PRKG1: variants seen among roughly 807,000 people sequenced by gnomAD.
PRKG1 encodes the protein cGMP-dependent protein kinase 1.
PRKG1 carries 35 observed loss-of-function variants against 88.1 expected under a neutral mutation model. The observed-to-expected ratio is 0.40, with a 90% CI of 0.30 to 0.53. PRKG1 has a LOEUF of 0.53. PRKG1 is among the 20% of genes least tolerant of loss of function. PRKG1 has a pLI of 0.59. For synonymous variants in PRKG1, 303 were observed against 292.5 expected (o/e 1.04, Z -0.37); for missense variants, 540 against 839.8 (o/e 0.64, Z 4.41).
At chr10:51,168,954 T>C (rs1249188204) in intron 2 of PRKG1, among the ~76,000 whole-genome samples, 2 of 152,312 alleles carry the variant, frequency 1.3e-5, no homozygotes, top group African/African-American at 4.8e-5. Context: ...GTACACTTTC[T>C]GATGTTCAAG....
intron 1 of PRKG1, among the ~76,000 whole-genome samples, chr10:51,081,787 T>C (rs1259281367): frequency 6.6e-6 from 1 of 152,200 alleles, no homozygotes; most frequent in Non-Finnish European, 1.5e-5. Context: ...AGGTTCTTTC[T>C]GTCTTATTGC....
intron 1 of PRKG1, among the ~76,000 whole-genome samples, chr10:50,998,401 T>G (rs1197045644): frequency 1.3e-5 from 2 of 152,246 alleles, no homozygotes; most frequent in Non-Finnish European, 2.9e-5. Flanking sequence ...ATTATATAAT[T>G]TAAATTTTCT....
At chr10:51,480,942 A>G (rs1840337943) in intron 3 of PRKG1, among the ~76,000 whole-genome samples, 1 of 152,074 alleles carries the variant, frequency 6.6e-6, no homozygotes, top group Non-Finnish European at 1.5e-5. Context: ...TGGTGGTATG[A>G]GTCTAGGAAA....
intron 2 of PRKG1, among the ~76,000 whole-genome samples, chr10:51,204,429 T>C (rs1314025476): frequency 1.3e-5 from 2 of 151,760 alleles, no homozygotes; most frequent in Admixed American, 6.6e-5. Flanking sequence ...CCATTTTTTT[T>C]CCCATCCTTC....
At chr10:51,599,592 G>A (rs1236774003) in intron 3 of PRKG1, among the ~76,000 whole-genome samples, 3 of 152,086 alleles carry the variant, frequency 2.0e-5, no homozygotes, top group Admixed American at 1.3e-4. Context: ...GCATCTGTGT[G>A]TTTTTTAGAA....
chr10:51,657,856 T>C (rs1270100908), intron 3 of PRKG1, among the ~76,000 whole-genome samples: 1 of 152,182 alleles, frequency 6.6e-6, no homozygotes, highest in African/African-American at 2.4e-5. Flanking sequence ...CAGAATTATA[T>C]CTTCCCTCTC....
intron 2 of PRKG1, among the ~76,000 whole-genome samples, chr10:51,318,404 T>C (rs538758625): frequency 6.6e-6 from 1 of 152,328 alleles, no homozygotes; most frequent in African/African-American, 2.4e-5. Context: ...TTCAGCATGG[T>C]GTCAAATTGT....
At chr10:51,454,799 C>T (rs1362330739) in intron 2 of PRKG1, among the ~76,000 whole-genome samples, 1 of 152,144 alleles carries the variant, frequency 6.6e-6, no homozygotes, top group Non-Finnish European at 1.5e-5. Flanking sequence ...CACTGGGTCC[C>T]TCACATAACA....
intron 3 of PRKG1, chr10:51,699,235 C>T (rs745738676): frequency 6.2e-7 from 1 of 1,614,050 alleles, no homozygotes; most frequent in Non-Finnish European, 8.5e-7. Context: ...GCGCTGCAGG[C>T]CCAAGGCTCT....
At chr10:52,104,438 A>T (rs1461218555) in intron 7 of PRKG1, among the ~76,000 whole-genome samples, 3 of 152,110 alleles carry the variant, frequency 2.0e-5, no homozygotes, top group Admixed American at 2.0e-4. Flanking sequence ...TTTCAGTGTT[A>T]CTTAATCCTT....
In PRKG1 at chr10:51,907,488, A is replaced by G; in HGVS notation, c.699-19A>G. 6.2e-7 allele frequency: 1 copy of G among 1,604,040 alleles called. No individual in the cohort carries two copies. The highest frequency in any genetic ancestry group is 2.2e-5 in the East Asian group (1 of 44,740). ...AGTTGTGGTTCATGTGTTCAGCACT[A>G]TTCTGTTTTGTTTTTCAGCGTTCCA... On this transcript the variant is annotated intron_variant, in intron 4 of 17. Transcript: ENST00000373980.
At chr10:51,879,303 C>A (rs1937725) in intron 4 of PRKG1, among the ~76,000 whole-genome samples, 28,242 of 152,056 alleles carry the variant, frequency 0.19, 3,104 homozygotes, top group East Asian at 0.48. Context: ...TTAAGATGAA[C>A]TGGGGTGAGT....
At chr10:51,127,353 A>G (rs150214228) in intron 1 of PRKG1, among the ~76,000 whole-genome samples, 1 of 152,202 alleles carries the variant, frequency 6.6e-6, no homozygotes, top group Non-Finnish European at 1.5e-5. Flanking sequence ...GAAACATATG[A>G]AAAAAGCTCA....
intron 5 of PRKG1, among the ~76,000 whole-genome samples, chr10:52,001,419 A>C (rs1256048393): frequency 6.6e-6 from 1 of 151,956 alleles, no homozygotes; most frequent in Non-Finnish European, 1.5e-5. Flanking sequence ...AGCTTGTGGT[A>C]ATCATTTTAC....
chr10:51,347,594 G>C lies in PRKG1; in HGVS notation c.479-120129G>C, dbSNP rs1024253013. Among the ~76,000 whole-genome samples, 3 of 151,926 alleles carry C rather than the reference G, an allele frequency of 2.0e-5. No homozygotes were observed. In the East Asian group the frequency reaches 5.8e-4, roughly 29 times the overall value. ...CGTTGGTTTTCAAATAAACTTTTTTGGTCCTTTTATGGATAGTCAGATGAA... is the reference window on the plus strand; with the variant it reads ...CGTTGGTTTTCAAATAAACTTTTTTCGTCCTTTTATGGATAGTCAGATGAA... On this transcript the variant is annotated intron_variant, in intron 2 of 17. Coordinates refer to ENST00000373980, the MANE Select transcript of PRKG1 (RefSeq NM_006258.4).
intron 2 of PRKG1, among the ~76,000 whole-genome samples, chr10:51,270,047 A>G (rs1839938197): frequency 6.6e-6 from 1 of 152,212 alleles, no homozygotes. Flanking sequence ...TCTGTAACCA[A>G]TAACTACATA....
intron 2 of PRKG1, among the ~76,000 whole-genome samples, chr10:51,221,372 T>G (rs192998295): frequency 5.3e-5 from 8 of 152,216 alleles, no homozygotes; most frequent in African/African-American, 1.7e-4. Flanking sequence ...GCCATCTAGA[T>G]CTATGATATC....
At chr10:51,629,607 A>T (rs1330521803) in intron 3 of PRKG1, among the ~76,000 whole-genome samples, 1 of 152,138 alleles carries the variant, frequency 6.6e-6, no homozygotes, top group East Asian at 1.9e-4. Context: ...CTTTTGTGGC[A>T]AACTCAGGAT....
At chr10:51,391,713 A>C (rs995144764) in intron 2 of PRKG1, among the ~76,000 whole-genome samples, 3 of 152,236 alleles carry the variant, frequency 2.0e-5, no homozygotes, top group Non-Finnish European at 2.9e-5. Context: ...GGGATAATAG[A>C]AACTCATCAG....
Sources: allele counts gnomAD v4.1 joint callset (sites outside exome capture counted in the v4.1 genomes callset), GRCh38; gene constraint gnomAD v4.1.1; transcripts MANE v1.5; gene names NCBI Gene and HGNC (gene_info 2026-07-23, HGNC 2026-07-21).